The following BRINP3 variants were observed in gnomAD, a reference collection of about 807,000 sequenced individuals.
The protein encoded by BRINP3 is BMP/retinoic acid-inducible neural-specific protein 3.
Under a neutral mutation model 71.0 loss-of-function variants are expected in BRINP3, and 19 were observed. The ratio of observed to expected loss-of-function variants is 0.27; its 90% confidence interval spans 0.19 to 0.39. The LOEUF is 0.39. Among genes scored for constraint, BRINP3 ranks in the 10% least tolerant of loss-of-function variants. BRINP3 has a pLI of 1.00. For synonymous variants in BRINP3, 380 were observed against 337.7 expected, an observed-to-expected ratio of 1.13 and a Z score of -1.37; for missense variants, 959 against 940.8, an observed-to-expected ratio of 1.02 and a Z score of -0.25.
At chr1:190,239,516 AAG>A (rs372747819) in intron 4 of BRINP3, among the ~76,000 whole-genome samples, 109 of 152,208 alleles carry the variant, frequency 7.2e-4, no homozygotes, top group African/African-American at 2.4e-3. Context: ...GAAATGAGGT[AAG>A]AGGGCATTAG....
chr1:190,141,771 G>A (rs1655472043), intron 7 of BRINP3, among the ~76,000 whole-genome samples: 1 of 151,528 alleles, frequency 6.6e-6, no homozygotes, highest in African/African-American at 2.4e-5. Flanking sequence ...TGTTGGTCAG[G>A]CTGGTCTCAA....
intron 2 of BRINP3, among the ~76,000 whole-genome samples, chr1:190,349,890 T>G (rs1296395229): frequency 6.6e-6 from 1 of 152,140 alleles, no homozygotes; most frequent in Non-Finnish European, 1.5e-5. Flanking sequence ...ATGATAATTA[T>G]GAAAGCCAGA....
At chr1:190,471,449 A>T (rs1347069060) in intron 1 of BRINP3, among the ~76,000 whole-genome samples, 2 of 151,510 alleles carry the variant, frequency 1.3e-5, no homozygotes, top group East Asian at 3.9e-4. Context: ...ATTATGAATT[A>T]TTAACACTAA....
chr1:190,117,762 A>C (rs1653272114), intron 7 of BRINP3, among the ~76,000 whole-genome samples: 1 of 152,076 alleles, frequency 6.6e-6, no homozygotes, highest in South Asian at 2.1e-4. Flanking sequence ...TTACCCTGAT[A>C]ATCTAAAAAT....
chr1:190,171,506 T>C (rs1432043527), intron 6 of BRINP3, among the ~76,000 whole-genome samples: 1 of 152,178 alleles, frequency 6.6e-6, no homozygotes, highest in African/African-American at 2.4e-5. Context: ...CAAATAAGTT[T>C]AGTGATTTCC....
intron 4 of BRINP3, 99 bp from the exon 5 acceptor site, chr1:190,234,576 T>C (rs1027598970): frequency 2.8e-5 from 23 of 812,008 alleles, no homozygotes; most frequent in Non-Finnish European, 1.4e-5. Context: ...CGTTTGACAG[T>C]AAATATCACT....
chr1:190,252,735 C>T (rs531057911), intron 4 of BRINP3, among the ~76,000 whole-genome samples: 1 of 152,010 alleles, frequency 6.6e-6, no homozygotes, highest in South Asian at 2.1e-4. Context: ...AAAATAAGTG[C>T]TCGATAACAT....
At chr1:190,103,441 A>G (rs1293693640) in intron 7 of BRINP3, among the ~76,000 whole-genome samples, 2 of 152,054 alleles carry the variant, frequency 1.3e-5, no homozygotes, top group African/African-American at 2.4e-5. Flanking sequence ...TTCTCTCATT[A>G]AAGATGTTAG....
At chr1:190,414,056 G>C (rs149080646) in intron 2 of BRINP3, among the ~76,000 whole-genome samples, 11 of 152,036 alleles carry the variant, frequency 7.2e-5, no homozygotes, top group African/African-American at 2.7e-4. Flanking sequence ...TTGAAGTCCT[G>C]GGCTCAGGCA....
intron 1 of BRINP3, among the ~76,000 whole-genome samples, chr1:190,455,159 A>G (rs893189010): frequency 9.9e-5 from 15 of 152,228 alleles, no homozygotes; most frequent in African/African-American, 3.4e-4. Context: ...ACATTGAGTC[A>G]TAACAGACTT....
chr1:190,246,881 T>C (rs1160339184), intron 4 of BRINP3, among the ~76,000 whole-genome samples: 5 of 151,970 alleles, frequency 3.3e-5, no homozygotes, highest in Non-Finnish European at 7.4e-5. Context: ...ATAAGCAACC[T>C]AGGTAGATTT....
chr1:190,386,222 A>C (rs1204850167), intron 2 of BRINP3, among the ~76,000 whole-genome samples: 2 of 146,940 alleles, frequency 1.4e-5, no homozygotes, highest in Non-Finnish European at 3.0e-5. Flanking sequence ...CTAAAACTTA[A>C]AGTATAATAA....
intron 4 of BRINP3, among the ~76,000 whole-genome samples, chr1:190,251,597 G>T (rs75025218): frequency 0.024 from 3,660 of 151,920 alleles, 72 homozygotes; most frequent in South Asian, 0.1. Flanking sequence ...GAGAAATAAG[G>T]AGATACTTCT....
Position 190,311,610 on chromosome 1 carries a change from C to T in BRINP3, c.237-29860G>A, listed in dbSNP as rs181179203. Among the ~76,000 whole-genome samples the T allele has an allele frequency of 4.6e-5, 7 of 151,516 alleles. No individual in the cohort carries two copies. The East Asian group carries it at 1.4e-3, about 29-fold the overall frequency. Reference sequence around the variant, plus strand: ...ATAAACCAAATGCCAACCAAAAATACTTATTTTAATGTTATCTTCAGTTAA... The same window carrying T: ...ATAAACCAAATGCCAACCAAAAATATTTATTTTAATGTTATCTTCAGTTAA... On this transcript the variant is annotated intron_variant, in intron 2 of 7. Transcript: ENST00000367462.
In BRINP3 at chr1:190,476,553, G is replaced by A. The variant is rs187785431; in HGVS notation, c.-51+895C>T. ...TCTTGTCAGTTAAGTCCATAGAAAT[G>A]TTCATAAAAGCAAAAGGCACTGACC... On this transcript the variant is annotated intron_variant, in intron 1 of 7. Coordinates refer to ENST00000367462, the MANE Select transcript of BRINP3 (RefSeq NM_199051.3). 1.9e-3 allele frequency among the ~76,000 whole-genome samples: 289 copies of A among 152,226 alleles called. 1 individual carries two copies. The highest frequency in any genetic ancestry group is 6.7e-3 in the African/African-American group (280 of 41,544).
intron 2 of BRINP3, among the ~76,000 whole-genome samples, chr1:190,439,659 C>T (rs575108103): frequency 6.6e-6 from 1 of 151,814 alleles, no homozygotes; most frequent in Admixed American, 6.6e-5. Context: ...AAAGCCTAAA[C>T]AGTAAAGCTG....
At chr1:190,248,169 T>G (rs1488299408) in intron 4 of BRINP3, among the ~76,000 whole-genome samples, 1 of 151,882 alleles carries the variant, frequency 6.6e-6, no homozygotes, top group Non-Finnish European at 1.5e-5. Context: ...GAAATCTGTG[T>G]CACCTCTTGC....
intron 3 of BRINP3, among the ~76,000 whole-genome samples, chr1:190,267,437 T>C (rs966083017): frequency 2.0e-5 from 3 of 151,998 alleles, no homozygotes; most frequent in African/African-American, 7.2e-5. Flanking sequence ...TAAAGGAAAA[T>C]GTTATACATC....
chr1:190,277,087 TTATATATATATATA>T lies in BRINP3; in HGVS notation c.427+4459_427+4472del, dbSNP rs1222129309. Among the ~76,000 whole-genome samples, 74 of 36,034 alleles carry T rather than the reference TTATATATATATATA, an allele frequency of 2.1e-3. 3 individuals are homozygous for T. Among genetic ancestry groups the T allele is most frequent in the African/African-American group, 3.9e-3 (61 of 15,818 alleles). 23.6% of individuals were successfully genotyped at this position (36,034 alleles called of 152,430 possible). On this transcript the variant is annotated intron_variant, in intron 3 of 7. Transcript: ENST00000367462. ...TTTGATCCTGAAATAAATTTTGGTT[TTATATATATATATA>T]TATATATATATATATATTTATATTC...
Sources: allele counts gnomAD v4.1 joint callset (sites outside exome capture counted in the v4.1 genomes callset), GRCh38; gene constraint gnomAD v4.1.1; transcripts MANE v1.5; gene names NCBI Gene and HGNC (gene_info 2026-07-23, HGNC 2026-07-21).